The following PTPRN2 variants were observed in gnomAD, a reference collection of about 807,000 sequenced individuals.
The protein encoded by PTPRN2 is receptor-type tyrosine-protein phosphatase N2.
PTPRN2 carries 74 observed loss-of-function variants against 118.8 expected under a neutral mutation model. The ratio of observed to expected loss-of-function variants is 0.62; its 90% CI spans 0.52 to 0.76. The LOEUF (loss-of-function observed/expected upper bound fraction) is 0.76, where lower values mean the gene tolerates loss of function less well. PTPRN2 is among the 30% of genes least tolerant of loss of function. The pLI is 0.00. For synonymous variants in PTPRN2, 641 were observed against 608.0 expected (o/e 1.05, Z -0.80); for missense variants, 1,481 against 1,394.4 (o/e 1.06, Z -0.99).
intron 1 of PTPRN2, among the ~76,000 whole-genome samples, chr7:158,515,582 G>T (rs1441218245): frequency 6.6e-6 from 1 of 152,180 alleles, no homozygotes; most frequent in Non-Finnish European, 1.5e-5. Flanking sequence ...ATCACCCACT[G>T]CTCCCAATGG....
At chr7:158,359,218 T>C (rs1216492693) in intron 2 of PTPRN2, among the ~76,000 whole-genome samples, 1 of 152,238 alleles carries the variant, frequency 6.6e-6, no homozygotes, top group Non-Finnish European at 1.5e-5. Flanking sequence ...CTCACAACTT[T>C]AACCAGACAC....
chr7:157,928,734 T>C (rs1248586721), intron 11 of PTPRN2, among the ~76,000 whole-genome samples: 1 of 62,132 alleles, frequency 1.6e-5, no homozygotes, highest in Non-Finnish European at 2.9e-5. Context: ...GGGCAGAGGG[T>C]GGAAGATGAG....
At position 157,629,698 on chromosome 7, in the gene PTPRN2, T is replaced by C. The variant is rs1345857231; in HGVS notation, c.2197-8189A>G. 6.6e-6 allele frequency among the ~76,000 whole-genome samples: 1 copy of C among 152,194 alleles called. No homozygotes were observed. The highest frequency in any genetic ancestry group is 1.5e-5 in the Non-Finnish European group (1 of 68,038). ...CAGCAGTGGAGACTTCTTCCCACTG[T>C]AGAACAAGGCGTGTTAAAGAAAGCT... On this transcript the variant is annotated intron_variant, in intron 14 of 22. Transcript: ENST00000389418. The surrounding 1 kb of genome is among the most constrained non-coding windows in gnomAD (Gnocchi z 4.4).
intron 3 of PTPRN2, among the ~76,000 whole-genome samples, chr7:158,264,326 C>A (rs1466297481): frequency 6.6e-6 from 1 of 152,192 alleles, no homozygotes; most frequent in Non-Finnish European, 1.5e-5. Context: ...TCAAGTTAGA[C>A]AATCATTTAC....
intron 13 of PTPRN2, among the ~76,000 whole-genome samples, chr7:157,664,352 G>GCCCGTATCACCTGCA (rs1563321038): frequency 2.6e-5 from 4 of 152,098 alleles, no homozygotes; most frequent in Non-Finnish European, 5.9e-5. Context: ...TATCACCTGC[G>GCCCGTATCACCTGCA]TTCATTATCA....
rs546777608 is a variant in PTPRN2 at position 157,801,479 on chromosome 7, T to C, written c.1788+97194A>G. On this transcript the variant is annotated intron_variant, in intron 12 of 22. Transcript: ENST00000389418. The surrounding 1 kb of genome is among the most constrained non-coding windows in gnomAD (Gnocchi z 4.2). ...CGTGAGAGCAGCTGCATGGATTTTT[T>C]TAATGTCAAATTCCATATGAAACAG... Among the ~76,000 whole-genome samples, 2 of 152,276 alleles carry C rather than the reference T, an allele frequency of 1.3e-5. No homozygotes were observed. The highest frequency in any genetic ancestry group is 4.1e-4 in the South Asian group (2 of 4,826).
In PTPRN2 at chr7:158,359,744, T is replaced by C. The variant is rs539960283; in HGVS notation, c.164-42812A>G. Among the ~76,000 whole-genome samples, 31 of 152,212 alleles carry C rather than the reference T, an allele frequency of 2.0e-4. 1 individual carries two copies. In the South Asian group the frequency reaches 3.1e-3, roughly 15 times the overall value. ...CGTGGTGTTGTCGATGAACGGATAA[T>C]GAAAGCAATTTATTTGAAAATTAAA... On this transcript the variant is annotated intron_variant, in intron 2 of 22. Transcript: ENST00000389418.
chr7:158,558,644 G>T (rs1586940773), intron 1 of PTPRN2, among the ~76,000 whole-genome samples: 1 of 151,556 alleles, frequency 6.6e-6, no homozygotes, highest in East Asian at 1.9e-4. Context: ...GGGACCCAAA[G>T]GTGAGCAGGG....
chr7:157,887,836 G>A (rs1331387343), intron 12 of PTPRN2, among the ~76,000 whole-genome samples: 9 of 92,586 alleles, frequency 9.7e-5, no homozygotes, highest in East Asian at 3.3e-4. Flanking sequence ...CCCAGTACCC[G>A]CTTCCCCAAT....
At chr7:158,584,160 C>A (rs541373852) in intron 1 of PTPRN2, among the ~76,000 whole-genome samples, 1 of 152,310 alleles carries the variant, frequency 6.6e-6, no homozygotes, top group South Asian at 2.1e-4. Flanking sequence ...GCAAAATCTG[C>A]ATGAAAGGCT....
chr7:158,255,283 T>C (rs1796951619), intron 3 of PTPRN2, among the ~76,000 whole-genome samples: 1 of 152,128 alleles, frequency 6.6e-6, no homozygotes, highest in Non-Finnish European at 1.5e-5. Context: ...TCTACAAGCA[T>C]CTCTCAAATC....
chr7:157,845,999 C>A lies in PTPRN2; in HGVS notation c.1788+52674G>T, dbSNP rs990922133. Among the ~76,000 whole-genome samples, 1 of 152,104 alleles carries A rather than the reference C, an allele frequency of 6.6e-6. No homozygotes were observed. The highest frequency in any genetic ancestry group is 1.9e-4 in the East Asian group (1 of 5,194). On this transcript the variant is annotated intron_variant, in intron 12 of 22. Coordinates refer to ENST00000389418, the MANE Select transcript of PTPRN2 (RefSeq NM_002847.5). This position sits in a 1 kb window ranked among gnomAD's most constrained non-coding sequence, Gnocchi z 4.5. ...TCCTTTCCTCAAACAACACAAACTA[C>A]GGAGGAAGGGAGTGGTAAAATTTGA...
At chr7:157,581,053 C>CAGCA (rs1800355764) in intron 17 of PTPRN2, among the ~76,000 whole-genome samples, 1 of 134,444 alleles carries the variant, frequency 7.4e-6, no homozygotes. Flanking sequence ...CCTGCACACC[C>CAGCA]CCTGCACACC....
At chr7:158,270,426 C>T (rs1163639218) in intron 3 of PTPRN2, among the ~76,000 whole-genome samples, 1 of 152,100 alleles carries the variant, frequency 6.6e-6, no homozygotes, top group Non-Finnish European at 1.5e-5. Context: ...CAACAAGGTG[C>T]AAGCTGCTAC....
intron 5 of PTPRN2, among the ~76,000 whole-genome samples, chr7:158,187,364 G>A (rs567335288): frequency 1.5e-4 from 23 of 152,304 alleles, no homozygotes; most frequent in African/African-American, 4.8e-4. Context: ...TTCACAGGAA[G>A]TTGATTGTAC....
chr7:158,277,310 C>A (rs945044734), intron 3 of PTPRN2, among the ~76,000 whole-genome samples: 1 of 152,218 alleles, frequency 6.6e-6, no homozygotes, highest in Admixed American at 6.5e-5. Context: ...CGGTCCCACA[C>A]CTCAGCCACA....
At chr7:158,157,113 A>C (rs887667950) in intron 6 of PTPRN2, among the ~76,000 whole-genome samples, 6 of 151,624 alleles carry the variant, frequency 4.0e-5, no homozygotes, top group African/African-American at 1.5e-4. Flanking sequence ...TACACAGCGG[A>C]CAGCACGCCT....
At chr7:158,194,095 C>CA (rs150131140) in intron 4 of PTPRN2, among the ~76,000 whole-genome samples, 1 of 151,786 alleles carries the variant, frequency 6.6e-6, no homozygotes, top group Admixed American at 6.6e-5. Context: ...TCAACAACAA[C>CA]AAAAAAAGTG....
At position 158,407,179 on chromosome 7, in the gene PTPRN2, CGTCCTGGGTCCTGGGTCCT is replaced by C. The variant is rs1813558295; in HGVS notation, c.163+82537_163+82555del. On this transcript the variant is annotated intron_variant, in intron 2 of 22. Transcript: ENST00000389418. Reference sequence around the variant, plus strand: ...CCTGGGTCCTGGGTCCTGCGTCCTGCGTCCTGGGTCCTGGGTCCTGGGTCCTGGGTCCTGCGTCCTGCGT... The same window carrying C: ...CCTGGGTCCTGGGTCCTGCGTCCTGCGGGTCCTGGGTCCTGCGTCCTGCGT... 2.3e-4 allele frequency among the ~76,000 whole-genome samples: 11 copies of C among 48,138 alleles called. 1 individual carries two copies. The highest frequency in any genetic ancestry group is 1.5e-3 in the East Asian group (1 of 670). 31.6% of individuals were successfully genotyped at this position (48,138 alleles called of 152,430 possible).
Sources: gnomAD v4.1 joint callset for allele counts (sites outside exome capture counted in the v4.1 genomes callset) on GRCh38, gnomAD v4.1.1 for gene constraint, Gnocchi (gnomAD v3.1) non-coding constraint, MANE v1.5 for transcripts, NCBI Gene and HGNC (gene_info 2026-07-23, HGNC 2026-07-21) for gene names.